STAG1: variants seen among roughly 807,000 people sequenced by gnomAD.
STAG1 encodes cohesin subunit SA-1.
A neutral mutation model predicts 170.9 loss-of-function variants in STAG1; 26 were observed. The observed-to-expected ratio is 0.15, with a 90% CI of 0.11 to 0.21. STAG1 has a LOEUF of 0.21. Among genes scored for constraint, STAG1 ranks in the 10% least tolerant of loss-of-function variants. The pLI is 1.00. For synonymous variants in STAG1, 514 were observed against 497.7 expected, an observed-to-expected ratio of 1.03 and a Z score of -0.44; for missense variants, 964 against 1,509.5, an observed-to-expected ratio of 0.64 and a Z score of 5.99.
At chr3:136,443,749 C>A (rs1194752658) in intron 14 of STAG1, among the ~76,000 whole-genome samples, 1 of 144,856 alleles carries the variant, frequency 6.9e-6, no homozygotes, top group Non-Finnish European at 1.5e-5. Flanking sequence ...CTTCAACTAT[C>A]TTTATTTTTA....
At chr3:136,401,010 A>C (rs916005277) in intron 21 of STAG1, among the ~76,000 whole-genome samples, 2 of 152,232 alleles carry the variant, frequency 1.3e-5, no homozygotes, top group African/African-American at 2.4e-5. Flanking sequence ...CTCACAAAGT[A>C]GTTTGGGAAA....
intron 26 of STAG1, among the ~76,000 whole-genome samples, chr3:136,360,336 C>T (rs1001655642): frequency 6.6e-6 from 1 of 152,138 alleles, no homozygotes; most frequent in African/African-American, 2.4e-5. Context: ...CTCCTGCCTC[C>T]TAAACTATTC....
rs189425492 is a variant in STAG1 at position 136,581,305 on chromosome 3, A to G, written c.298-12444T>C. ...TACAAATCGGTAGAGCAAGTCCTTC[A>G]TTACTCTTCATTTCCAGAATTTTCT... On this transcript the variant is annotated intron_variant, in intron 4 of 33. Coordinates refer to ENST00000383202, the MANE Select transcript of STAG1 (RefSeq NM_005862.3). Among the ~76,000 whole-genome samples, 11 of 152,348 alleles carry G rather than the reference A, an allele frequency of 7.2e-5. No homozygotes were observed. The East Asian group carries it at 2.1e-3, about 29-fold the overall frequency.
At position 136,643,721 on chromosome 3, in the gene STAG1, C is replaced by T. The variant is rs549672066; in HGVS notation, c.-83-12740G>A. On this transcript the variant is annotated intron_variant, in intron 1 of 33. Coordinates refer to ENST00000383202, the MANE Select transcript of STAG1 (RefSeq NM_005862.3). ...ATAGGGTTTTGCCATGTTGCCCAAG[C>T]TGGTCTCAAACTCCTGAGCTCAAGC... Among the ~76,000 whole-genome samples, 189 of 152,230 alleles carry T rather than the reference C, an allele frequency of 1.2e-3. 1 individual carries two copies. The highest frequency in any genetic ancestry group is 0.01 in the Middle Eastern group (3 of 294).
intron 16 of STAG1, among the ~76,000 whole-genome samples, chr3:136,429,852 T>C (rs912403145): frequency 3.3e-5 from 5 of 152,186 alleles, no homozygotes; most frequent in African/African-American, 9.7e-5. Flanking sequence ...AGTTAATAAA[T>C]AGTAAATATA....
At chr3:136,472,826 A>G (rs961098064) in intron 11 of STAG1, among the ~76,000 whole-genome samples, 2 of 152,204 alleles carry the variant, frequency 1.3e-5, no homozygotes, top group African/African-American at 2.4e-5. Flanking sequence ...ACTCATGGTA[A>G]TATCTTTTGT....
intron 3 of STAG1, among the ~76,000 whole-genome samples, chr3:136,614,264 A>G (rs1256414662): frequency 6.6e-6 from 1 of 152,194 alleles, no homozygotes; most frequent in East Asian, 1.9e-4. Context: ...TTTAAGATGT[A>G]TTTTCAACAT....
intron 1 of STAG1, among the ~76,000 whole-genome samples, chr3:136,704,821 C>CAAAAAAAAAAAAAAAAA: frequency 1.9e-5 from 1 of 51,424 alleles, no homozygotes; most frequent in Non-Finnish European, 3.6e-5. Flanking sequence ...GTCCCTGTCT[C>CAAAAAAAAAAAAAAAAA]AAAAAAAAAA....
intron 7 of STAG1, among the ~76,000 whole-genome samples, chr3:136,510,929 A>T (rs549585494): frequency 6.6e-6 from 1 of 152,084 alleles, no homozygotes; most frequent in East Asian, 1.9e-4. Context: ...ACGCACCACC[A>T]TGCCCGGCTA....
At chr3:136,564,742 A>C (rs1007116872) in intron 5 of STAG1, among the ~76,000 whole-genome samples, 5 of 152,094 alleles carry the variant, frequency 3.3e-5, no homozygotes, top group African/African-American at 1.2e-4. Flanking sequence ...AGGAACAAAG[A>C]ATTCAAAGAA....
chr3:136,381,037 G>GAAAAAAAAAAAA (rs58810961), intron 22 of STAG1, among the ~76,000 whole-genome samples: 1 of 105,040 alleles, frequency 9.5e-6, no homozygotes. Flanking sequence ...AAAAAAAAAA[G>GAAAAAAAAAAAA]AAAAAAAAAA....
intron 21 of STAG1, among the ~76,000 whole-genome samples, chr3:136,406,207 T>C (rs930772035): frequency 3.0e-4 from 46 of 152,120 alleles, no homozygotes; most frequent in Admixed American, 4.6e-4. Context: ...TACTCAGCAG[T>C]AAAAAGGAAC....
At chr3:136,601,315 C>T (rs1938666131) in intron 4 of STAG1, among the ~76,000 whole-genome samples, 1 of 151,738 alleles carries the variant, frequency 6.6e-6, no homozygotes, top group Non-Finnish European at 1.5e-5. Context: ...AAGACTGCCA[C>T]ATAAAAAAAT....
intron 1 of STAG1, among the ~76,000 whole-genome samples, chr3:136,655,371 C>T (rs1052668940): frequency 6.6e-5 from 10 of 152,112 alleles, no homozygotes; most frequent in African/African-American, 4.8e-5. Flanking sequence ...CCAGTAAGCA[C>T]GTGAAAAGAT....
chr3:136,465,247 T>C (rs1182447047), intron 12 of STAG1, among the ~76,000 whole-genome samples: 1 of 129,434 alleles, frequency 7.7e-6, no homozygotes, highest in Non-Finnish European at 1.6e-5. Context: ...TGAGACAGAG[T>C]CTTGCTCTGT....
intron 1 of STAG1, among the ~76,000 whole-genome samples, chr3:136,727,501 G>A (rs1933754607): frequency 6.6e-6 from 1 of 152,142 alleles, no homozygotes; most frequent in Non-Finnish European, 1.5e-5. Flanking sequence ...TGTATTTAAA[G>A]CACCAAAAAT....
chr3:136,391,972 T>A (rs543591260), intron 22 of STAG1, among the ~76,000 whole-genome samples: 20 of 152,346 alleles, frequency 1.3e-4, no homozygotes, highest in Non-Finnish European at 2.5e-4. Context: ...ATAAACTTTA[T>A]TTAATAGTGT....
At chr3:136,730,774 C>T (rs1933997775) in intron 1 of STAG1, among the ~76,000 whole-genome samples, 1 of 152,202 alleles carries the variant, frequency 6.6e-6, no homozygotes, top group Non-Finnish European at 1.5e-5. Flanking sequence ...CTGCTCATGA[C>T]TTACAGCTCT....
chr3:136,686,504 T>C (rs553724637), intron 1 of STAG1, among the ~76,000 whole-genome samples: 2 of 152,310 alleles, frequency 1.3e-5, no homozygotes, highest in East Asian at 3.9e-4. Flanking sequence ...GCCACAGGCA[T>C]TAGCAATCGC....
Sources: allele counts gnomAD v4.1 joint callset (sites outside exome capture counted in the v4.1 genomes callset), GRCh38; gene constraint gnomAD v4.1.1; transcripts MANE v1.5; gene names NCBI Gene and HGNC (gene_info 2026-07-23, HGNC 2026-07-21).